The following TSHZ2 variants were observed in gnomAD, a reference collection of about 807,000 sequenced individuals.
TSHZ2 encodes teashirt zinc finger homeobox 2.
In TSHZ2, 21 loss-of-function variants were observed where a neutral mutation model predicts 74.4. The observed-to-expected ratio is 0.28, with a 90% CI of 0.20 to 0.41. The LOEUF (loss-of-function observed/expected upper bound fraction) is 0.41. TSHZ2 is among the 10% of genes least tolerant of loss of function. The pLI is 1.00. For synonymous variants in TSHZ2, 540 were observed against 515.3 expected, an observed-to-expected ratio of 1.05 and a Z score of -0.65; for missense variants, 1,244 against 1,293.5, an observed-to-expected ratio of 0.96 and a Z score of 0.59.
Position 53,190,139 on chromosome 20 carries a change from T to TA in TSHZ2, c.41-63360_41-63359insA, listed in dbSNP as rs1568803578. On this transcript the variant is annotated intron_variant, in intron 1 of 2. Coordinates refer to ENST00000371497, the MANE Select transcript of TSHZ2 (RefSeq NM_173485.6). ...TATATATATATATATATATATATAT[T>TA]TTCTTAAATGCCTCTGTTTCTTTTT... Among the ~76,000 whole-genome samples the TA allele has an allele frequency of 5.9e-4, 29 of 49,382 alleles. 2 individuals are homozygous for TA. Among genetic ancestry groups the TA allele is most frequent in the South Asian group, 4.7e-3 (6 of 1,282 alleles). The allele number at this position is 49,382 out of a possible 152,430, so 32.4% of individuals were successfully genotyped here. A position where few individuals can be genotyped will look rare whatever the true frequency, so the allele number is the denominator to read the frequency against.
At chr20:53,001,648 AC>A (rs1033633503) in intron 1 of TSHZ2, among the ~76,000 whole-genome samples, 13 of 152,146 alleles carry the variant, frequency 8.5e-5, no homozygotes, top group African/African-American at 2.7e-4. Flanking sequence ...GCTGGATGAA[AC>A]TTTTTCTTTT....
chr20:53,417,968 G>A (rs1273653046), intron 2 of TSHZ2, among the ~76,000 whole-genome samples: 1 of 152,144 alleles, frequency 6.6e-6, no homozygotes, highest in East Asian at 1.9e-4. Context: ...AGCTCACAGA[G>A]CTACATTCTA....
Position 53,200,648 on chromosome 20 carries a change from T to TTTTGTTTG in TSHZ2, c.41-52829_41-52822dup, listed in dbSNP as rs149843994. Among the ~76,000 whole-genome samples, 326 of 151,892 alleles carry TTTTGTTTG rather than the reference T, an allele frequency of 2.1e-3. 3 individuals are homozygous for TTTTGTTTG. The highest frequency in any genetic ancestry group is 0.012 in the East Asian group (60 of 5,116). On this transcript the variant is annotated intron_variant, in intron 1 of 2. Transcript: ENST00000371497. ...CTGCGTTTTTGGGGATTTGGGGGATTTTTGTTTGTTTGTTTGTTTGTTTGT... is the reference window on the plus strand; with the variant it reads ...CTGCGTTTTTGGGGATTTGGGGGATTTTTGTTTGTTTGTTTGTTTGTTTGTTTGTTTGT...
chr20:53,421,623 CAAG>C (rs1019816680), intron 2 of TSHZ2: 1 of 195,372 alleles, frequency 5.1e-6, no homozygotes, highest in Non-Finnish European at 1.1e-5. Context: ...GCAAGACCAG[CAAG>C]AAGATTGCCA....
intron 1 of TSHZ2, among the ~76,000 whole-genome samples, chr20:53,229,790 G>T (rs1208092599): frequency 2.7e-5 from 4 of 149,910 alleles, no homozygotes; most frequent in Non-Finnish European, 5.9e-5. Context: ...AGGGAGGAGG[G>T]AGGGAGGGAG....
chr20:53,203,227 C>G (rs1485538531), intron 1 of TSHZ2, among the ~76,000 whole-genome samples: 2 of 146,360 alleles, frequency 1.4e-5, no homozygotes, highest in Non-Finnish European at 3.0e-5. Context: ...CGGAGTCTCA[C>G]TCTGTTGCCC....
chr20:53,112,683 T>C (rs1986567934), intron 1 of TSHZ2, among the ~76,000 whole-genome samples: 1 of 152,058 alleles, frequency 6.6e-6, no homozygotes, highest in Admixed American at 6.5e-5. Context: ...TTGCTAATTT[T>C]TGTATGTTTT....
intron 1 of TSHZ2, among the ~76,000 whole-genome samples, chr20:53,204,612 G>A (rs1177127697): frequency 6.6e-6 from 1 of 151,952 alleles, no homozygotes; most frequent in Middle Eastern, 3.2e-3. Flanking sequence ...CTGATCACTT[G>A]CAACAAAAAC....
intron 2 of TSHZ2, among the ~76,000 whole-genome samples, chr20:53,351,989 T>C (rs1980661646): frequency 1.3e-5 from 2 of 152,244 alleles, no homozygotes; most frequent in African/African-American, 2.4e-5. Context: ...TACTTAGTCA[T>C]GTGTCAGACA....
chr20:53,052,575 G>A (rs1984510140), intron 1 of TSHZ2, among the ~76,000 whole-genome samples: 1 of 152,186 alleles, frequency 6.6e-6, no homozygotes, highest in Admixed American at 6.5e-5. Context: ...TTAGGGTACT[G>A]CTGACTTAGC....
intron 1 of TSHZ2, among the ~76,000 whole-genome samples, chr20:53,064,779 C>A (rs1267895671): frequency 6.6e-6 from 1 of 151,896 alleles, no homozygotes; most frequent in East Asian, 1.9e-4. Flanking sequence ...AATGAAAGGG[C>A]CAAAAAGAAA....
chr20:53,385,160 A>G (rs990904187), intron 2 of TSHZ2, among the ~76,000 whole-genome samples: 14 of 152,272 alleles, frequency 9.2e-5, no homozygotes, highest in African/African-American at 3.4e-4. Context: ...AAAATAAAAC[A>G]TAAAGGAGTC....
chr20:53,152,154 A>T (rs867074765), intron 1 of TSHZ2, among the ~76,000 whole-genome samples: 83 of 152,274 alleles, frequency 5.5e-4, no homozygotes, highest in Middle Eastern at 6.8e-3. Context: ...TGCATCCTCC[A>T]TTCTTCATTG....
intron 2 of TSHZ2, among the ~76,000 whole-genome samples, chr20:53,308,405 C>G (rs1167097752): frequency 1.3e-5 from 2 of 151,974 alleles, no homozygotes; most frequent in East Asian, 3.9e-4. Context: ...AAGCTGATGT[C>G]AACTGCTAAA....
At chr20:53,272,754 G>A (rs989748264) in intron 2 of TSHZ2, among the ~76,000 whole-genome samples, 3 of 152,170 alleles carry the variant, frequency 2.0e-5, no homozygotes, top group African/African-American at 7.2e-5. Context: ...TGCATCCGGG[G>A]TAAGAAATGT....
intron 1 of TSHZ2, among the ~76,000 whole-genome samples, chr20:53,183,183 C>T (rs1025217414): frequency 6.6e-6 from 1 of 152,326 alleles, no homozygotes; most frequent in Admixed American, 6.5e-5. Flanking sequence ...CAACCATTCC[C>T]ACCCTGTGCT....
At position 53,253,518 on chromosome 20, in the gene TSHZ2, G is replaced by A. The variant is rs200131625; in HGVS notation, c.60G>A (p.Gln20=). ...KRAAGYAQEE[Q]LKEEEEIKEE... Reference sequence around the variant, plus strand: ...TTGCAGGCTACGCCCAGGAGGAACAGCTGAAAGAAGAGGAGGAAATAAAAG... The same window carrying A: ...TTGCAGGCTACGCCCAGGAGGAACAACTGAAAGAAGAGGAGGAAATAAAAG... Residue 20 remains glutamine (Q), a synonymous_variant, in exon 2 of 3, where the codon CAG becomes CAA. Coordinates refer to ENST00000371497, the MANE Select transcript of TSHZ2 (RefSeq NM_173485.6). 54 of 1,610,970 alleles carry A rather than the reference G, an allele frequency of 3.4e-5. No homozygotes were observed. Among genetic ancestry groups the A allele is most frequent in the Admixed American group, 6.7e-5 (4 of 59,852 alleles).
intron 1 of TSHZ2, among the ~76,000 whole-genome samples, chr20:53,122,765 T>C (rs1186514512): frequency 1.3e-5 from 2 of 152,210 alleles, no homozygotes; most frequent in Admixed American, 6.5e-5. Context: ...CCCTGGGATG[T>C]TGGCTTCCAT....
chr20:53,273,085 C>T lies in TSHZ2; in HGVS notation c.*8+16514C>T, dbSNP rs140770332. ...TGATATGTTTGATTCAGAGAAAGGCCGGAGTGTCATGAGCTGGGCATCCAG... is the reference window on the plus strand; with the variant it reads ...TGATATGTTTGATTCAGAGAAAGGCTGGAGTGTCATGAGCTGGGCATCCAG... On this transcript the variant is annotated intron_variant, in intron 2 of 2. Transcript: ENST00000371497. 5.0e-3 allele frequency among the ~76,000 whole-genome samples: 757 copies of T among 152,208 alleles called. 8 individuals carry two copies. The highest frequency in any genetic ancestry group is 0.017 in the African/African-American group (699 of 41,530).
Sources: gnomAD v4.1 joint callset for allele counts (sites outside exome capture counted in the v4.1 genomes callset) on GRCh38, gnomAD v4.1.1 for gene constraint, MANE v1.5 for transcripts, NCBI Gene and HGNC (gene_info 2026-07-23, HGNC 2026-07-21) for gene names.